Variants in CHD6 observed in about 807,000 individuals in gnomAD.
CHD6 encodes chromodomain helicase DNA binding protein 6.
Under a neutral mutation model 276.9 loss-of-function variants are expected in CHD6, and 50 were observed. The ratio of observed to expected loss-of-function variants is 0.18; its 90% CI spans 0.14 to 0.23. The LOEUF (loss-of-function observed/expected upper bound fraction) is 0.23. Among genes scored for constraint, CHD6 ranks in the 10% least tolerant of loss-of-function variants. The pLI is 1.00. For missense variants in CHD6, 2,564 were observed against 3,365.8 expected (o/e 0.76, Z 5.89); for synonymous variants, 1,173 against 1,229.3 (o/e 0.95, Z 0.96).
At chr20:41,614,085 T>G (rs905960908) in intron 1 of CHD6, among the ~76,000 whole-genome samples, 1 of 152,076 alleles carries the variant, frequency 6.6e-6, no homozygotes, top group South Asian at 2.1e-4. Flanking sequence ...ATTAAAAATT[T>G]AACTACTTGA....
chr20:41,553,335 AC>A (rs1360658862), intron 1 of CHD6, among the ~76,000 whole-genome samples: 1 of 152,212 alleles, frequency 6.6e-6, no homozygotes, highest in Non-Finnish European at 1.5e-5. Flanking sequence ...TTTAAAGACT[AC>A]CTTTCTTCAA....
At chr20:41,504,501 C>G (rs954579506) in intron 5 of CHD6, among the ~76,000 whole-genome samples, 1 of 151,120 alleles carries the variant, frequency 6.6e-6, no homozygotes, top group African/African-American at 2.4e-5. Flanking sequence ...CCTCCACTTC[C>G]CAGGCTCAAA....
At chr20:41,521,639 G>GA (rs2044400294) in intron 3 of CHD6, among the ~76,000 whole-genome samples, 1 of 152,128 alleles carries the variant, frequency 6.6e-6, no homozygotes, top group Non-Finnish European at 1.5e-5. Context: ...TTTGACAACA[G>GA]AAAGGGCCTA....
At position 41,498,803 on chromosome 20, in the gene CHD6, ATGTATGTATG is replaced by A. The variant is rs1415667781; in HGVS notation, c.915+482_915+491del. Among the ~76,000 whole-genome samples the A allele has an allele frequency of 4.3e-3, 417 of 96,022 alleles. 1 individual carries two copies. Among genetic ancestry groups the A allele is most frequent in the African/African-American group, 0.021 (320 of 15,366 alleles). 63.0% of individuals were successfully genotyped at this position (96,022 alleles called of 152,430 possible). A position where few individuals can be genotyped will look rare whatever the true frequency, so the allele number is the denominator to read the frequency against. ...TGTGTATGTATGTATGTATGTATGT[ATGTATGTATG>A]TGTGTGTGTGTGTGTGTGTGTGTGT... On this transcript the variant is annotated intron_variant, in intron 6 of 36. Coordinates refer to ENST00000373233, the MANE Select transcript of CHD6 (RefSeq NM_032221.5).
chr20:41,503,905 C>G (rs1413794305), intron 5 of CHD6, among the ~76,000 whole-genome samples: 4 of 151,698 alleles, frequency 2.6e-5, no homozygotes, highest in African/African-American at 4.8e-5. Flanking sequence ...CGGTGAAGCC[C>G]CATCTCTACT....
Position 41,451,836 on chromosome 20 carries a change from C to T in CHD6, c.3513G>A (p.Gln1171=). 4 of 1,614,140 alleles carry T rather than the reference C, an allele frequency of 2.5e-6. No individual in the cohort carries two copies. In the South Asian group the frequency reaches 3.3e-5, roughly 13 times the overall value. Residue 1171 remains glutamine (Q), a synonymous_variant, in exon 22 of 37, where the codon CAG becomes CAA. Coordinates refer to ENST00000373233, the MANE Select transcript of CHD6 (RefSeq NM_032221.5). ...CCTGCCACCTCTCACCTGAGTGGTT[C>T]TGGAGGGTCTGGGCTTGCCCATCTT... The part of the protein sequence containing the change: ...PTKDGQAQTL[Q]NHSGLSAPVP...
intron 35 of CHD6, 121 bp from the exon 36 acceptor site, chr20:41,412,384 G>T: frequency 8.5e-7 from 1 of 1,180,052 alleles, no homozygotes; most frequent in Non-Finnish European, 1.2e-6. Flanking sequence ...ACAGGAGCTG[G>T]CCAGGTTAAA....
At chr20:41,459,162 T>C (rs577340023) in intron 17 of CHD6, among the ~76,000 whole-genome samples, 58 of 152,250 alleles carry the variant, frequency 3.8e-4, no homozygotes, top group African/African-American at 1.3e-3. Context: ...TCCCTGGATA[T>C]GGAAGCCCCC....
At position 41,588,884 on chromosome 20, in the gene CHD6, T is replaced by C. The variant is rs576746287; in HGVS notation, c.-24+29456A>G. On this transcript the variant is annotated intron_variant, in intron 1 of 36. Coordinates refer to ENST00000373233, the MANE Select transcript of CHD6 (RefSeq NM_032221.5). ...AATCAAAAGGTGATTGGGGGGATTC[T>C]TAAGAAAGCCAGGAAAAGAGACACA... is the stretch of plus-strand genomic sequence containing the variant. Among the ~76,000 whole-genome samples, 5 of 152,268 alleles carry C rather than the reference T, an allele frequency of 3.3e-5. No homozygotes were observed. In the South Asian group the frequency reaches 1.0e-3, roughly 32 times the overall value.
intron 5 of CHD6, among the ~76,000 whole-genome samples, chr20:41,499,607 AT>A (rs1210626934): frequency 2.0e-5 from 3 of 152,184 alleles, no homozygotes; most frequent in Non-Finnish European, 2.9e-5. Context: ...GCAATTTCAG[AT>A]CTGCATTTAA....
At chr20:41,498,515 G>A (rs1311187083) in intron 6 of CHD6, among the ~76,000 whole-genome samples, 6 of 152,146 alleles carry the variant, frequency 3.9e-5, no homozygotes, top group African/African-American at 1.2e-4. Context: ...GAAATGTCAG[G>A]ACCAGAGCCT....
At position 41,416,253 on chromosome 20, in the gene CHD6, G is replaced by T. The variant is rs921822324; in HGVS notation, c.6486+335C>A. ...ATTTATTAGTCATGGGGTCATCTTT[G>T]CCAGTTCCCCCCTATCTTTGTATCC... On this transcript the variant is annotated intron_variant, in intron 33 of 36. Coordinates refer to ENST00000373233, the MANE Select transcript of CHD6 (RefSeq NM_032221.5). Among the ~76,000 whole-genome samples, 13 of 152,082 alleles carry T rather than the reference G, an allele frequency of 8.5e-5. No homozygotes were observed. In the East Asian group the frequency reaches 2.5e-3, roughly 29 times the overall value.
At chr20:41,410,336 G>A (rs1156579105) in intron 36 of CHD6, among the ~76,000 whole-genome samples, 2 of 152,160 alleles carry the variant, frequency 1.3e-5, no homozygotes, top group Admixed American at 1.3e-4. Flanking sequence ...CACCAGTCTG[G>A]ATGATGTGGT....
intron 1 of CHD6, among the ~76,000 whole-genome samples, chr20:41,556,147 C>T: frequency 6.6e-6 from 1 of 152,142 alleles, no homozygotes; most frequent in African/African-American, 2.4e-5. Flanking sequence ...AGGCACTCGG[C>T]AGGCTGAGGC....
At chr20:41,613,140 A>C (rs1157012361) in intron 1 of CHD6, among the ~76,000 whole-genome samples, 4 of 152,204 alleles carry the variant, frequency 2.6e-5, no homozygotes, top group African/African-American at 9.7e-5. Context: ...GTTCAACTAC[A>C]CATTATTTTA....
chr20:41,465,015 G>C (rs1169036184), intron 17 of CHD6, among the ~76,000 whole-genome samples: 1 of 152,106 alleles, frequency 6.6e-6, no homozygotes, highest in South Asian at 2.1e-4. Context: ...TAAATAAATG[G>C]GAGACAAAGG....
In CHD6 at chr20:41,405,428, C is replaced by A. The variant is rs750966293; in HGVS notation, c.7313G>T (p.Gly2438Val). The A allele has an allele frequency of 6.2e-7, 1 of 1,607,506 alleles. No individual in the cohort carries two copies. Among genetic ancestry groups the A allele is most frequent in the South Asian group, 1.1e-5 (1 of 90,370 alleles). The stretch of plus-strand genomic sequence containing the variant: ...AGGCCGCCTCCCCCTCCTGCGGGGG[C>A]CCGTATCTCGAAGAATAGGCTCAGC... Reference protein sequence around the residue: ...TLAEPILRDTGPRRRGRRPRS... With the variant: ...TLAEPILRDTVPRRRGRRPRS... The change falls in exon 37 of 37, where the codon GGC (glycine) becomes GTC (valine). Residue 2438 changes from glycine to valine, a missense_variant. By Grantham distance (109) the Gly-to-Val change is moderately radical. Transcript: ENST00000373233.
chr20:41,413,434 G>T lies in CHD6; in HGVS notation c.7021C>A (p.Pro2341Thr). 1 of 1,611,878 alleles carries T rather than the reference G, an allele frequency of 6.2e-7. No homozygotes were observed. Among genetic ancestry groups the T allele is most frequent in the Non-Finnish European group, 8.5e-7 (1 of 1,179,802 alleles). ...GCTTGGCTGCTGGCTGCCGTAGCTG[G>T]CTCAGGAGCCGAGGTGGCAGGCCCT... is the stretch of plus-strand genomic sequence containing the variant. ...GPGPATSAPEPATAASSQAEK... is the reference protein window; with the variant it reads ...GPGPATSAPETATAASSQAEK... The change falls in exon 35 of 37, where the codon CCA (proline) becomes ACA (threonine). Residue 2341 changes from proline (P) to threonine (T), a missense_variant. Pro to Thr is a conservative substitution (Grantham distance 38). Transcript: ENST00000373233.
intron 3 of CHD6, among the ~76,000 whole-genome samples, chr20:41,530,575 TAC>T (rs892258424): frequency 1.3e-5 from 2 of 152,192 alleles, no homozygotes; most frequent in Non-Finnish European, 2.9e-5. Flanking sequence ...TGTATATATA[TAC>T]ATGTATTTTT....
Sources: allele counts gnomAD v4.1 joint callset (sites outside exome capture counted in the v4.1 genomes callset), GRCh38; gene constraint gnomAD v4.1.1; transcripts MANE v1.5; gene names NCBI Gene and HGNC (gene_info 2026-07-23, HGNC 2026-07-21).